SV2C: variants seen among roughly 807,000 people sequenced by gnomAD.
SV2C encodes solute carrier family 22 member B3.
In SV2C, 49 loss-of-function variants were observed where a neutral mutation model predicts 79.7. The observed-to-expected ratio is 0.61, with a 90% CI of 0.49 to 0.78. The LOEUF (loss-of-function observed/expected upper bound fraction) is 0.78, where lower values mean the gene tolerates loss of function less well. Ranked by LOEUF, SV2C falls within the 30% of genes least tolerant of loss-of-function variation. SV2C has a pLI of 0.00. For synonymous variants in SV2C, 334 were observed against 333.2 expected (o/e 1.00, Z -0.03); for missense variants, 833 against 912.9 (o/e 0.91, Z 1.13).
At chr5:76,141,342 A>C (rs1362249090) in intron 2 of SV2C, among the ~76,000 whole-genome samples, 5 of 152,012 alleles carry the variant, frequency 3.3e-5, no homozygotes, top group Admixed American at 3.3e-4. Flanking sequence ...CTATTTCTAC[A>C]CTCTGAATCA....
intron 4 of SV2C, among the ~76,000 whole-genome samples, chr5:76,280,049 C>T (rs1014368944): frequency 3.3e-5 from 5 of 152,124 alleles, no homozygotes; most frequent in Non-Finnish European, 5.9e-5. Flanking sequence ...GTATGTAGTT[C>T]TCTCTGTGTT....
chr5:75,916,742 T>A, the SV2C span, among the ~76,000 whole-genome samples: 8 of 152,214 alleles, frequency 5.3e-5, no homozygotes, highest in African/African-American at 1.9e-4. Context: ...CCCAAAGTGC[T>A]GGGACTGCAG....
chr5:76,219,457 T>A (rs541395212), intron 4 of SV2C, among the ~76,000 whole-genome samples: 5 of 152,318 alleles, frequency 3.3e-5, no homozygotes, highest in African/African-American at 7.2e-5. Context: ...TGTGAAATTT[T>A]AAAAAAATTA....
the SV2C span, among the ~76,000 whole-genome samples, chr5:76,074,285 C>T: frequency 0.012 from 1,758 of 152,232 alleles, 40 homozygotes; most frequent in Non-Finnish European, 0.013. Flanking sequence ...CTGTGTGATG[C>T]GGTTCCACTC....
intron 4 of SV2C, among the ~76,000 whole-genome samples, chr5:76,283,542 C>G (rs1412707787): frequency 6.6e-6 from 1 of 152,116 alleles, no homozygotes; most frequent in Non-Finnish European, 1.5e-5. Context: ...GCTCTGAGAT[C>G]AAATGTGAAG....
intron 12 of SV2C, among the ~76,000 whole-genome samples, chr5:76,312,305 T>A (rs1307144784): frequency 6.6e-6 from 1 of 150,746 alleles, no homozygotes; most frequent in Admixed American, 6.7e-5. Context: ...CAGGCTGGAG[T>A]GCAGTGACGC....
intron 1 of SV2C, among the ~76,000 whole-genome samples, chr5:76,084,617 T>A (rs1167068462): frequency 7.7e-6 from 1 of 129,400 alleles, no homozygotes; most frequent in Non-Finnish European, 1.6e-5. Context: ...AGGTGCCGCC[T>A]GGACGGCCTG....
chr5:75,871,037 A>G, the SV2C span, among the ~76,000 whole-genome samples: 2 of 152,218 alleles, frequency 1.3e-5, no homozygotes, highest in Non-Finnish European at 2.9e-5. Flanking sequence ...TAATACGAGG[A>G]CAATATGCCA....
At chr5:75,880,945 T>A in the SV2C span, among the ~76,000 whole-genome samples, 2 of 152,138 alleles carry the variant, frequency 1.3e-5, no homozygotes, top group Admixed American at 1.3e-4. Context: ...CTGCTTCTGG[T>A]GAAGATCTCA....
At chr5:75,958,644 C>G in the SV2C span, among the ~76,000 whole-genome samples, 84 of 152,142 alleles carry the variant, frequency 5.5e-4, no homozygotes, top group Admixed American at 1.0e-3. Context: ...CTAGTCACTA[C>G]TTCTGGCTTT....
chr5:75,870,914 G>A, the SV2C span, among the ~76,000 whole-genome samples: 8 of 152,174 alleles, frequency 5.3e-5, no homozygotes, highest in Non-Finnish European at 1.0e-4. Context: ...CAAGGTTAGC[G>A]TGAGCCTAAT....
intron 1 of SV2C, among the ~76,000 whole-genome samples, chr5:76,115,353 G>A (rs1221929902): frequency 6.6e-6 from 1 of 152,188 alleles, no homozygotes; most frequent in Non-Finnish European, 1.5e-5. Flanking sequence ...GGCGTACAGG[G>A]GAAAGGGAAA....
chr5:76,179,037 G>A (rs1334231564), intron 2 of SV2C, among the ~76,000 whole-genome samples: 1 of 152,216 alleles, frequency 6.6e-6, no homozygotes, highest in East Asian at 1.9e-4. Context: ...CCTGCCAGGA[G>A]TCAAATTGAA....
the SV2C span, among the ~76,000 whole-genome samples, chr5:75,966,236 T>C: frequency 6.6e-6 from 1 of 152,260 alleles, no homozygotes; most frequent in Non-Finnish European, 1.5e-5. Context: ...TTGAGATTTA[T>C]GCTTAGCTTT....
At chr5:75,951,311 G>T in the SV2C span, among the ~76,000 whole-genome samples, 1 of 152,004 alleles carries the variant, frequency 6.6e-6, no homozygotes, top group Non-Finnish European at 1.5e-5. Flanking sequence ...CGAATTTTTG[G>T]TGGTGAGCCA....
At chr5:76,351,177 T>C (rs533739442) in intron 12 of SV2C, among the ~76,000 whole-genome samples, 1 of 152,108 alleles carries the variant, frequency 6.6e-6, no homozygotes, top group South Asian at 2.1e-4. Flanking sequence ...CCAGGTGAGA[T>C]AGCTGAACCT....
chr5:76,199,151 T>TA (rs1243606429), intron 3 of SV2C, among the ~76,000 whole-genome samples: 2 of 151,836 alleles, frequency 1.3e-5, no homozygotes, highest in East Asian at 3.8e-4. Flanking sequence ...TTCTTTTTTT[T>TA]ATTTAAACTT....
chr5:75,978,154 A>G, the SV2C span, among the ~76,000 whole-genome samples: 1 of 152,148 alleles, frequency 6.6e-6, no homozygotes, highest in Non-Finnish European at 1.5e-5. Flanking sequence ...AGCAGAGTCA[A>G]TTCTCAGTCC....
chr5:76,278,955 C>T (rs529024212), intron 4 of SV2C, among the ~76,000 whole-genome samples: 6 of 152,266 alleles, frequency 3.9e-5, no homozygotes, highest in East Asian at 3.9e-4. Flanking sequence ...AGGTCCACGT[C>T]GGCCAGAACC....
Sources: gnomAD v4.1 joint callset for allele counts (sites outside exome capture counted in the v4.1 genomes callset) on GRCh38, gnomAD v4.1.1 for gene constraint, MANE v1.5 for transcripts, NCBI Gene and HGNC (gene_info 2026-07-23, HGNC 2026-07-21) for gene names.